Variants in TCTN1 observed in about 807,000 individuals in gnomAD.
The protein encoded by TCTN1 is tectonic family member 1.
Under a neutral mutation model 65.8 loss-of-function variants are expected in TCTN1, and 58 were observed. That is an observed-to-expected ratio of 0.88 (90% CI 0.71 to 1.10). TCTN1 has a LOEUF of 1.10. TCTN1 is among the 50% of genes least tolerant of loss of function. The pLI is 0.00. For synonymous variants in TCTN1, 273 were observed against 289.1 expected, an observed-to-expected ratio of 0.94 and a Z score of 0.57; for missense variants, 645 against 719.4, an observed-to-expected ratio of 0.90 and a Z score of 1.18.
chr12:110,620,810 CTTT>C (rs1216049794), intron 2 of TCTN1, among the ~76,000 whole-genome samples: 6 of 133,298 alleles, frequency 4.5e-5, no homozygotes, highest in Non-Finnish European at 1.6e-5. Context: ...TTCAAGGCTT[CTTT>C]TTTTTTTTTT....
intron 4 of TCTN1, chr12:110,629,624 A>G (rs1344227781): frequency 2.6e-5 from 4 of 152,238 alleles, no homozygotes. Context: ...GAGAAATAGG[A>G]ACGCTTTTAC....
intron 9 of TCTN1, 64 bp downstream of exon 9, chr12:110,641,213 A>G: frequency 6.2e-7 from 1 of 1,606,876 alleles, no homozygotes; most frequent in East Asian, 2.2e-5. Context: ...ATGACTTCTC[A>G]GTGGATAAAA....
intron 5 of TCTN1, among the ~76,000 whole-genome samples, chr12:110,633,329 C>T (rs1315690614): frequency 2.0e-5 from 3 of 152,178 alleles, no homozygotes; most frequent in East Asian, 1.9e-4. Context: ...CTTGCACACA[C>T]GAAGAACAGT....
chr12:110,631,006 G>A (rs563293519), intron 4 of TCTN1, among the ~76,000 whole-genome samples: 5 of 152,180 alleles, frequency 3.3e-5, no homozygotes, highest in Admixed American at 1.3e-4. Context: ...TTGCTGTGTC[G>A]CCCAGGCTGG....
chr12:110,622,117 A>C (rs1041532730), intron 2 of TCTN1, among the ~76,000 whole-genome samples: 1 of 151,904 alleles, frequency 6.6e-6, no homozygotes, highest in African/African-American at 2.4e-5. Flanking sequence ...AGCCCGGGCA[A>C]CAAGAGCGAA....
In TCTN1 at chr12:110,619,936, C is replaced by T. The variant is rs2065298616; in HGVS notation, c.321C>T (p.Ala107=). 1.2e-6 allele frequency: 2 copies of T among 1,614,092 alleles called. No individual in the cohort carries two copies. The highest frequency in any genetic ancestry group is 1.7e-6 in the Non-Finnish European group (2 of 1,180,034). Residue 107 remains alanine (A), a synonymous_variant, in exon 2 of 15, where the codon GCC becomes GCT. Coordinates refer to ENST00000397659, the MANE Select transcript of TCTN1 (RefSeq NM_001082538.3). ...CSSVDFSVFS[A]CSVPVVTGDS... ...CCGTGGATTTCAGTGTCTTTTCTGC[C>T]TGCTCAGTTCCAGTTGTCACGTAAG... is the stretch of plus-strand genomic sequence containing the variant.
At chr12:110,621,813 G>A (rs905568785) in intron 2 of TCTN1, among the ~76,000 whole-genome samples, 1 of 151,554 alleles carries the variant, frequency 6.6e-6, no homozygotes, top group Non-Finnish European at 1.5e-5. Flanking sequence ...ACCTAGTAGA[G>A]CTCCTGCCAC....
Position 110,621,178 on chromosome 12 carries a change from G to A in TCTN1, c.341+1222G>A, listed in dbSNP as rs571464753. On this transcript the variant is annotated intron_variant, in intron 2 of 14. Transcript: ENST00000397659. ...CAGGATGGGACCAACTTAGTATTCA[G>A]AGATAGCTAATTTAAATTTAGCCTT... Among the ~76,000 whole-genome samples, 3 of 152,310 alleles carry A rather than the reference G, an allele frequency of 2.0e-5. No homozygotes were observed. In the South Asian group the frequency reaches 6.2e-4, roughly 32 times the overall value.
intron 2 of TCTN1, among the ~76,000 whole-genome samples, chr12:110,621,371 A>G (rs2065417713): frequency 6.6e-6 from 1 of 152,122 alleles, no homozygotes; most frequent in Non-Finnish European, 1.5e-5. Context: ...TTTTCTGGCT[A>G]CCTGGCCTGT....
rs1389395488 is a variant in TCTN1, at chr12:110,640,921, G to T, written c.979-103G>T. 3 of 1,528,652 alleles carry T rather than the reference G, an allele frequency of 2.0e-6. No individual in the cohort carries two copies. The African/African-American group carries it at 4.1e-5, about 21-fold the overall frequency. 94.7% of individuals were successfully genotyped at this position (1,528,652 alleles called of 1,614,324 possible). Reference sequence around the variant, plus strand: ...CAGCAGAGCAAGGCTTCAACACATGGAGAAACAGGGAAAGATTTGCTATCT... The same window carrying T: ...CAGCAGAGCAAGGCTTCAACACATGTAGAAACAGGGAAAGATTTGCTATCT... On this transcript the variant is annotated intron_variant, in intron 8 of 14. Coordinates refer to ENST00000397659, the MANE Select transcript of TCTN1 (RefSeq NM_001082538.3). This position sits in a 1 kb window ranked among gnomAD's most constrained non-coding sequence, Gnocchi z 4.9.
rs759926968 is a variant in TCTN1, at chr12:110,614,454, G to A, written c.220+52G>A. ...GTCCACAGTGATCCAACCTCAAGGG[G>A]ACAGCCCCGGTGAGGACGTAATAAT... On this transcript the variant is annotated intron_variant, in intron 1 of 14. Coordinates refer to ENST00000397659, the MANE Select transcript of TCTN1 (RefSeq NM_001082538.3). 1.4e-4 allele frequency: 211 copies of A among 1,558,552 alleles called. No individual in the cohort carries two copies. Among genetic ancestry groups the A allele is most frequent in the East Asian group, 1.3e-3 (54 of 41,992 alleles).
chr12:110,620,001 G>A, intron 2 of TCTN1, 45 bp downstream of exon 2: 1 of 1,613,838 alleles, frequency 6.2e-7, no homozygotes, highest in South Asian at 1.1e-5. Flanking sequence ...AATTTGACCA[G>A]GATAATACAA....
intron 4 of TCTN1, chr12:110,629,120 A>G (rs1290107058): frequency 3.0e-6 from 2 of 662,980 alleles, no homozygotes; most frequent in East Asian, 5.4e-5. Flanking sequence ...ACTTAAATGT[A>G]AGACCTAAAA....
chr12:110,641,429 A>G, intron 9 of TCTN1, 113 bp from the exon 10 acceptor site: 2 of 1,102,410 alleles, frequency 1.8e-6, no homozygotes, highest in Non-Finnish European at 2.7e-6. Flanking sequence ...GGAGGGAGAA[A>G]TTCTTTTATT....
intron 14 of TCTN1, 66 bp downstream of exon 14, chr12:110,647,959 G>C (rs759848228): frequency 4.4e-5 from 71 of 1,602,732 alleles, no homozygotes; most frequent in Non-Finnish European, 6.0e-5. Context: ...CGTGGGGCTA[G>C]AAGTCCCTAG....
rs2064872914 is a variant in TCTN1 at position 110,614,242 on chromosome 12, G to C, written c.60G>C (p.Val20=). Residue 20 remains valine, a synonymous_variant, in exon 1 of 15, where the codon GTG becomes GTC. Coordinates refer to ENST00000397659, the MANE Select transcript of TCTN1 (RefSeq NM_001082538.3). The part of the protein sequence containing the change: ...LVVLLGCWAS[V]SAQTDATPAV... ...TGCTCCTGGGCTGCTGGGCCTCCGTGAGCGCCCAGACCGATGCCACCCCGG... is the reference window on the plus strand; with the variant it reads ...TGCTCCTGGGCTGCTGGGCCTCCGTCAGCGCCCAGACCGATGCCACCCCGG... 1 of 1,592,556 alleles carries C rather than the reference G, an allele frequency of 6.3e-7. No homozygotes were observed. The highest frequency in any genetic ancestry group is 8.5e-7 in the Non-Finnish European group (1 of 1,170,458).
rs573357581 is a variant in TCTN1, at chr12:110,623,480, G to A, written c.342-2882G>A. Among the ~76,000 whole-genome samples, 7 of 152,308 alleles carry A rather than the reference G, an allele frequency of 4.6e-5. No individual in the cohort carries two copies. The East Asian group carries it at 1.2e-3, about 25-fold the overall frequency. On this transcript the variant is annotated intron_variant, in intron 2 of 14. Transcript: ENST00000397659. The stretch of plus-strand genomic sequence containing the variant: ...TGTGCCCTTCTAGAGGGCAATCTGG[G>A]AGTGTGTCTCAGAAGCTTTAAATAA...
intron 4 of TCTN1, among the ~76,000 whole-genome samples, chr12:110,632,165 G>A (rs2066279401): frequency 6.6e-6 from 1 of 152,148 alleles, no homozygotes; most frequent in South Asian, 2.1e-4. Context: ...TCTCAACCCT[G>A]TGTCCAGCCA....
At chr12:110,636,034 A>T (rs113879568) in intron 6 of TCTN1, 1 of 189,932 alleles carries the variant, frequency 5.3e-6, no homozygotes, top group Admixed American at 5.4e-5. Context: ...AGAGCTTGTC[A>T]TTGAGGAGGC....
Sources: gnomAD v4.1 joint callset for allele counts (sites outside exome capture counted in the v4.1 genomes callset) on GRCh38, gnomAD v4.1.1 for gene constraint, Gnocchi (gnomAD v3.1) non-coding constraint, MANE v1.5 for transcripts, NCBI Gene and HGNC (gene_info 2026-07-23, HGNC 2026-07-21) for gene names.